The following FYCO1 variants were observed in gnomAD, a reference collection of about 807,000 sequenced individuals.
FYCO1 encodes the protein FYVE and coiled-coil domain autophagy adaptor 1.
A neutral mutation model predicts 165.1 loss-of-function variants in FYCO1; 122 were observed. The observed-to-expected ratio is 0.74, with a 90% CI of 0.64 to 0.86. The LOEUF is 0.86. Ranked by LOEUF, FYCO1 falls within the 40% of genes least tolerant of loss-of-function variation. The pLI is 0.00. For synonymous variants in FYCO1, 648 were observed against 742.5 expected (o/e 0.87, Z 2.07); for missense variants, 1,702 against 1,810.3 (o/e 0.94, Z 1.09).
chr3:45,981,632 G>C lies in FYCO1; in HGVS notation c.100C>G (p.Pro34Ala). ...LSKEFQEAGE[P>A]ITDDSTSLHK... ...AAGCTGGTGCTGTCATCCGTGATGG[G>C]TTCCCCTGCTTCCTGAAATTCTTTG... Residue 34 changes from proline (P) to alanine (A), a missense_variant, in exon 3 of 18, where the codon CCC (proline) becomes GCC (alanine). Coordinates refer to ENST00000296137, the MANE Select transcript of FYCO1 (RefSeq NM_024513.4). The C allele has an allele frequency of 1.2e-6, 2 of 1,614,056 alleles. No homozygotes were observed. Among genetic ancestry groups the C allele is most frequent in the Non-Finnish European group, 1.7e-6 (2 of 1,179,910 alleles).
intron 14 of FYCO1, chr3:45,941,075 G>C (rs1704199584): frequency 6.6e-6 from 1 of 152,210 alleles, no homozygotes; most frequent in Non-Finnish European, 1.5e-5. Context: ...AGGGGTACAG[G>C]TCTGCCGGCT....
chr3:45,989,901 T>C (rs1477038344), intron 1 of FYCO1, among the ~76,000 whole-genome samples: 4 of 152,092 alleles, frequency 2.6e-5, no homozygotes, highest in Non-Finnish European at 5.9e-5. Flanking sequence ...GAGCCACACC[T>C]CTGTACTTGA....
rs1039199961 is a variant in FYCO1, at chr3:45,967,764, G to A, written c.1570C>T (p.Gln524Ter). ...QLQFLETQLA[Q>*]VSQHVSDLEE... ...AGGTCACTCACATGTTGGCTCACCT[G>A]TGCCAGCTGGGTCTCCAGGAACTGC... is the stretch of plus-strand genomic sequence containing the variant. The change falls in exon 8 of 18, where the codon CAG becomes TAG. Residue 524 changes from glutamine to a stop codon, truncating the protein, a stop_gained. Transcript: ENST00000296137. LOFTEE classifies it high-confidence loss of function. 7 of 1,613,622 alleles carry A rather than the reference G, an allele frequency of 4.3e-6. No homozygotes were observed. Among genetic ancestry groups the A allele is most frequent in the Non-Finnish European group, 5.1e-6 (6 of 1,180,034 alleles).
chr3:45,927,915 G>T (rs1193605420), intron 16 of FYCO1, among the ~76,000 whole-genome samples: 1 of 152,248 alleles, frequency 6.6e-6, no homozygotes, highest in African/African-American at 2.4e-5. Flanking sequence ...GTCCCCTGAA[G>T]AGGGCATGTT....
At position 45,981,613 on chromosome 3, in the gene FYCO1, G is replaced by A. The variant is rs1337797019; in HGVS notation, c.119C>T (p.Thr40Ile). ...EAGEPITDDS[T>I]SLHKFSYKLE... ...TTTATAAGAAAATTTATGCAAGCTG[G>A]TGCTGTCATCCGTGATGGGTTCCCC... The change falls in exon 3 of 18, where the codon ACC becomes ATC. Residue 40 changes from threonine to isoleucine, a missense_variant. Coordinates refer to ENST00000296137, the MANE Select transcript of FYCO1 (RefSeq NM_024513.4). 1 of 1,613,934 alleles carries A rather than the reference G, an allele frequency of 6.2e-7. No homozygotes were observed. Among genetic ancestry groups the A allele is most frequent in the Non-Finnish European group, 8.5e-7 (1 of 1,179,794 alleles).
At chr3:45,938,356 T>A (rs1365205944) in intron 14 of FYCO1, 1 of 556,170 alleles carries the variant, frequency 1.8e-6, no homozygotes, top group African/African-American at 1.9e-5. Context: ...AAACTGTAGG[T>A]CATGACCCAT....
rs763972976 is a variant in FYCO1, at chr3:45,973,202, A to C, written c.425T>G (p.Leu142Arg). ...SDWYYARSPF[L>R]QPKLSSDIVG... ...AATGTCCGAGCTCAGCTTTGGCTGCAGAAAGGGGCTTCTTGCATAGTACCA... is the reference window on the plus strand; with the variant it reads ...AATGTCCGAGCTCAGCTTTGGCTGCCGAAAGGGGCTTCTTGCATAGTACCA... The change falls in exon 6 of 18, where the codon CTG becomes CGG. Residue 142 changes from leucine (L) to arginine (R), a missense_variant. Coordinates refer to ENST00000296137, the MANE Select transcript of FYCO1 (RefSeq NM_024513.4). The C allele has an allele frequency of 6.2e-7, 1 of 1,614,228 alleles. No homozygotes were observed. The highest frequency in any genetic ancestry group is 2.2e-5 in the East Asian group (1 of 44,884).
At chr3:45,978,109 G>A (rs955362048) in intron 4 of FYCO1, among the ~76,000 whole-genome samples, 6 of 152,198 alleles carry the variant, frequency 3.9e-5, no homozygotes, top group Non-Finnish European at 8.8e-5. Context: ...TTTGCATTAT[G>A]AGAAAAGAAG....
chr3:45,959,446 G>A lies in FYCO1; in HGVS notation c.3534C>T (p.His1178=), dbSNP rs1200577850. The A allele has an allele frequency of 1.2e-6, 2 of 1,614,112 alleles. No homozygotes were observed. Among genetic ancestry groups the A allele is most frequent in the Non-Finnish European group, 1.7e-6 (2 of 1,180,010 alleles). ...ERWLGDTEAN[H]CLDCKREFSW... ...TGAACTCCCGCTTACAGTCGAGGCA[G>A]TGGTTTGCCTCTGTGTCTCCGAGCC... Residue 1178 remains histidine, a synonymous_variant, in exon 12 of 18, where the codon CAC becomes CAT. Transcript: ENST00000296137.
chr3:45,966,276 C>T lies in FYCO1; in HGVS notation c.3057+1G>A. The T allele has an allele frequency of 3.7e-6, 6 of 1,613,766 alleles. No individual in the cohort carries two copies. Among genetic ancestry groups the T allele is most frequent in the East Asian group, 4.5e-5 (2 of 44,894 alleles). On this transcript the variant is annotated splice_donor_variant, in intron 8 of 17. Transcript: ENST00000296137. LOFTEE classifies it high-confidence loss of function. ...GCCCAAGTGGTTGAAGCTAGGATTA[C>T]CTTAAGTCTGCTCTGGTAGTCCATG...
chr3:45,976,087 G>T (rs528903675), intron 4 of FYCO1, among the ~76,000 whole-genome samples: 1 of 151,812 alleles, frequency 6.6e-6, no homozygotes, highest in African/African-American at 2.4e-5. Flanking sequence ...TCTCTAGGCA[G>T]CCCAGTCACA....
intron 1 of FYCO1, among the ~76,000 whole-genome samples, chr3:45,985,813 G>A (rs1285850771): frequency 1.3e-5 from 2 of 152,258 alleles, no homozygotes; most frequent in Non-Finnish European, 2.9e-5. Context: ...GCCAACAGAA[G>A]TTAAAGAGAT....
intron 6 of FYCO1, among the ~76,000 whole-genome samples, chr3:45,972,665 A>G (rs570794257): frequency 1.3e-5 from 2 of 152,156 alleles, no homozygotes; most frequent in Non-Finnish European, 2.9e-5. Flanking sequence ...AAAAAAGAAG[A>G]AACAAAAATG....
In FYCO1 at chr3:45,975,364, A is replaced by G. The variant is rs780853002; in HGVS notation, c.289-19T>C. The stretch of plus-strand genomic sequence containing the variant: ...TTCGGAGCTGGAAAAAGCAGATTAC[A>G]TAGAGCCAAAGAGCTGTCAGCCTAA... On this transcript the variant is annotated intron_variant, in intron 4 of 17. Coordinates refer to ENST00000296137, the MANE Select transcript of FYCO1 (RefSeq NM_024513.4). The G allele has an allele frequency of 5.1e-6, 8 of 1,577,944 alleles. No individual in the cohort carries two copies. Among genetic ancestry groups the G allele is most frequent in the East Asian group, 4.5e-5 (2 of 44,682 alleles).
intron 4 of FYCO1, among the ~76,000 whole-genome samples, chr3:45,975,546 G>T (rs558182371): frequency 6.6e-6 from 1 of 152,318 alleles, no homozygotes; most frequent in East Asian, 1.9e-4. Context: ...TGAACTACTT[G>T]CAGGCCTTCA....
At chr3:45,923,007 C>T (rs1245195586) in intron 17 of FYCO1, among the ~76,000 whole-genome samples, 3 of 152,180 alleles carry the variant, frequency 2.0e-5, no homozygotes, top group Non-Finnish European at 2.9e-5. Flanking sequence ...CAATGCTGGT[C>T]CTGTCTCCAC....
intron 1 of FYCO1, among the ~76,000 whole-genome samples, chr3:45,990,801 C>T (rs772911603): frequency 4.6e-5 from 7 of 152,162 alleles, no homozygotes; most frequent in Non-Finnish European, 1.0e-4. Context: ...GAAATGGAGT[C>T]TCGCTCTGTC....
intron 5 of FYCO1, 120 bp from the exon 6 acceptor site, chr3:45,973,351 G>T: frequency 1.1e-6 from 1 of 929,188 alleles, no homozygotes; most frequent in Non-Finnish European, 1.7e-6. Flanking sequence ...AAAGACACAG[G>T]CACACAAACC....
chr3:45,933,490 A>G (rs1040480519), intron 15 of FYCO1, among the ~76,000 whole-genome samples: 2 of 152,186 alleles, frequency 1.3e-5, no homozygotes, highest in African/African-American at 4.8e-5. Context: ...AGTTATTTCT[A>G]AATCTCATAA....
Sources: gnomAD v4.1 joint callset for allele counts (sites outside exome capture counted in the v4.1 genomes callset) on GRCh38, gnomAD v4.1.1 for gene constraint, MANE v1.5 for transcripts, NCBI Gene and HGNC (gene_info 2026-07-23, HGNC 2026-07-21) for gene names.